Variants in OR2L2 observed in about 807,000 individuals in gnomAD.
The protein encoded by OR2L2 is olfactory receptor family 2 subfamily L member 2, also known as olfactory receptor 2L2.
For synonymous variants in OR2L2, 156 were observed against 135.4 expected (o/e 1.15, Z -1.06); for missense variants, 378 against 375.2 (o/e 1.01, Z -0.06).
chr1:248,030,723 A>T (rs935410925), intron 1 of OR2L2, among the ~76,000 whole-genome samples: 1 of 152,016 alleles, frequency 6.6e-6, no homozygotes, highest in Non-Finnish European at 1.5e-5. Flanking sequence ...TCTGAATCTC[A>T]ATTTTTGTCA....
At chr1:248,033,013 T>G (rs1192018385) in intron 1 of OR2L2, among the ~76,000 whole-genome samples, 2 of 152,222 alleles carry the variant, frequency 1.3e-5, no homozygotes, top group African/African-American at 2.4e-5. Flanking sequence ...AAGGAGCATC[T>G]GGAATTACAA....
chr1:248,033,423 T>TTTC, intron 1 of OR2L2, among the ~76,000 whole-genome samples: 1 of 152,000 alleles, frequency 6.6e-6, no homozygotes, highest in East Asian at 1.9e-4. Context: ...CTGTTTTCTA[T>TTTC]TTCTTCTTCT....
chr1:248,034,893 G>A (rs1301395783), intron 1 of OR2L2, among the ~76,000 whole-genome samples: 2 of 152,146 alleles, frequency 1.3e-5, no homozygotes, highest in African/African-American at 4.8e-5. Context: ...TTTGGCTGTT[G>A]ATGTTGCATG....
intron 1 of OR2L2, among the ~76,000 whole-genome samples, chr1:248,032,770 G>C (rs149789277): frequency 6.6e-6 from 1 of 152,054 alleles, no homozygotes; most frequent in Non-Finnish European, 1.5e-5. Flanking sequence ...CACTTAAGTT[G>C]TCTCTGCCTT....
At chr1:248,036,718 G>A (rs757752391) in intron 2 of OR2L2, among the ~76,000 whole-genome samples, 5 of 152,118 alleles carry the variant, frequency 3.3e-5, no homozygotes, top group Admixed American at 6.5e-5. Flanking sequence ...AAGAATACTC[G>A]AACCACCTCT....
At chr1:248,034,934 A>G (rs1436574739) in intron 1 of OR2L2, among the ~76,000 whole-genome samples, 5 of 152,186 alleles carry the variant, frequency 3.3e-5, no homozygotes, top group Non-Finnish European at 1.5e-5. Context: ...TTAATTATTT[A>G]TAACAGTTTT....
chr1:248,034,173 T>C (rs914648994), intron 1 of OR2L2, among the ~76,000 whole-genome samples: 1 of 152,154 alleles, frequency 6.6e-6, no homozygotes, highest in African/African-American at 2.4e-5. Flanking sequence ...AACAAACCTA[T>C]GGAAACACGT....
At chr1:248,031,548 G>C (rs541186689) in intron 1 of OR2L2, among the ~76,000 whole-genome samples, 2 of 152,146 alleles carry the variant, frequency 1.3e-5, no homozygotes, top group African/African-American at 4.8e-5. Flanking sequence ...GAGGAGATGG[G>C]GTCCAGTGAC....
chr1:248,034,484 A>G (rs578223704), intron 1 of OR2L2, among the ~76,000 whole-genome samples: 1 of 152,336 alleles, frequency 6.6e-6, no homozygotes, highest in Admixed American at 6.5e-5. Flanking sequence ...TAGAAATTTT[A>G]GCATGGTTTT....
chr1:248,030,433 T>C (rs1228634898), intron 1 of OR2L2, among the ~76,000 whole-genome samples, 198 bp downstream of exon 1: 1 of 152,162 alleles, frequency 6.6e-6, no homozygotes, highest in African/African-American at 2.4e-5. Context: ...TGCAACTAAT[T>C]CATAAATGTG....
intron 1 of OR2L2, among the ~76,000 whole-genome samples, chr1:248,030,576 C>G (rs1301772844): frequency 1.3e-5 from 2 of 152,090 alleles, no homozygotes; most frequent in African/African-American, 4.8e-5. Context: ...GTAACATTTC[C>G]TTGTACCTAC....
chr1:248,036,901 C>T (rs1329685156), intron 2 of OR2L2, among the ~76,000 whole-genome samples: 1 of 152,046 alleles, frequency 6.6e-6, no homozygotes, highest in African/African-American at 2.4e-5. Context: ...TACTTATGAT[C>T]CCTTCATATG....
rs541255854 is a variant in OR2L2, at chr1:248,038,376, G to T, written c.109G>T (p.Ala37Ser). ...FTLIFLIFLM[A>S]LIGNLSMILL... ...CCTCATTTTTCTCATTTTCCTAATG[G>T]CTCTAATTGGAAATCTATCCATGAT... Residue 37 changes from alanine (A) to serine (S), a missense_variant, in exon 3 of 3, where the codon GCT becomes TCT. Physicochemically the swap from Ala to Ser is moderately conservative, Grantham distance 99 (BLOSUM62 1). Coordinates refer to ENST00000641771, the MANE Select transcript of OR2L2 (RefSeq NM_001385855.1). The T allele has an allele frequency of 6.8e-5, 109 of 1,613,152 alleles. No homozygotes were observed. The South Asian group carries it at 1.1e-3, about 16-fold the overall frequency.
chr1:248,031,465 G>C (rs1441532397), intron 1 of OR2L2, among the ~76,000 whole-genome samples: 1 of 152,196 alleles, frequency 6.6e-6, no homozygotes, highest in Non-Finnish European at 1.5e-5. Context: ...GCCTTAATGG[G>C]CAGTGCTTCC....
chr1:248,034,716 T>A (rs915806649), intron 1 of OR2L2, among the ~76,000 whole-genome samples: 4 of 152,180 alleles, frequency 2.6e-5, no homozygotes, highest in African/African-American at 9.7e-5. Flanking sequence ...AATCCTTAAG[T>A]GTTTCGTTTC....
chr1:248,030,338 A>G (rs1662584091), intron 1 of OR2L2, 103 bp downstream of exon 1: 1 of 152,204 alleles, frequency 6.6e-6, no homozygotes, highest in African/African-American at 2.4e-5. Context: ...AATTGAGGTG[A>G]ATTTCAGCAC....
At chr1:248,033,203 T>C (rs1662665305) in intron 1 of OR2L2, among the ~76,000 whole-genome samples, 1 of 152,190 alleles carries the variant, frequency 6.6e-6, no homozygotes, top group Non-Finnish European at 1.5e-5. Flanking sequence ...TATACTTTTA[T>C]GGTTTTAGCT....
chr1:248,035,205 C>G (rs1438341935), intron 1 of OR2L2, among the ~76,000 whole-genome samples: 1 of 152,048 alleles, frequency 6.6e-6, no homozygotes, highest in Non-Finnish European at 1.5e-5. Flanking sequence ...AATCCCAGTA[C>G]TTTGGGAGGC....
chr1:248,033,421 T>C (rs1482245882), intron 1 of OR2L2, among the ~76,000 whole-genome samples: 5 of 152,078 alleles, frequency 3.3e-5, no homozygotes, highest in Non-Finnish European at 5.9e-5. Flanking sequence ...CTCTGTTTTC[T>C]ATTTCTTCTT....
Sources: gnomAD v4.1 joint callset for allele counts (sites outside exome capture counted in the v4.1 genomes callset) on GRCh38, gnomAD v4.1.1 for gene constraint, MANE v1.5 for transcripts, NCBI Gene and HGNC (gene_info 2026-07-23, HGNC 2026-07-21) for gene names.